The following VAV3 variants were observed in gnomAD, a reference collection of about 807,000 sequenced individuals.
The protein encoded by VAV3 is vav guanine nucleotide exchange factor 3.
Under a neutral mutation model 131.2 loss-of-function variants are expected in VAV3, and 94 were observed. The observed-to-expected ratio is 0.72, with a 90% CI of 0.61 to 0.85. The LOEUF (loss-of-function observed/expected upper bound fraction) is 0.85, where lower values mean the gene tolerates loss of function less well. VAV3 is among the 40% of genes least tolerant of loss of function. The pLI, the probability that VAV3 is intolerant of heterozygous loss-of-function variation, is 0.00. For missense variants in VAV3, 939 were observed against 1,002.7 expected (o/e 0.94, Z 0.86); for synonymous variants, 349 against 342.0 (o/e 1.02, Z -0.22).
At chr1:107,904,970 A>G (rs1051306851) in intron 1 of VAV3, among the ~76,000 whole-genome samples, 8 of 152,240 alleles carry the variant, frequency 5.3e-5, no homozygotes, top group Non-Finnish European at 1.2e-4. Flanking sequence ...TGAAGTAAAT[A>G]GGAAATATCT....
chr1:107,576,521 A>G, intron 25 of VAV3: 1 of 1,434,200 alleles, frequency 7.0e-7, no homozygotes, highest in Non-Finnish European at 9.2e-7. Context: ...GCATTTAGGT[A>G]TTGGCAAAAA....
intron 1 of VAV3, among the ~76,000 whole-genome samples, chr1:107,888,750 G>A (rs409129): frequency 0.73 from 111,404 of 151,996 alleles, 41,086 homozygotes; most frequent in African/African-American, 0.8. Flanking sequence ...TGAGCCACTG[G>A]GCCGGGCCTA....
chr1:107,706,524 T>C (rs1249518183), intron 15 of VAV3, among the ~76,000 whole-genome samples: 1 of 152,238 alleles, frequency 6.6e-6, no homozygotes, highest in Non-Finnish European at 1.5e-5. Flanking sequence ...CTGAGAATTA[T>C]GGACATTTCC....
chr1:107,918,747 C>T lies in VAV3; in HGVS notation c.205-43730G>A, dbSNP rs181474074. Among the ~76,000 whole-genome samples the T allele has an allele frequency of 5.7e-4, 84 of 146,232 alleles. No homozygotes were observed. In the East Asian group the frequency reaches 0.01, roughly 18 times the overall value. On this transcript the variant is annotated intron_variant, in intron 1 of 26. Transcript: ENST00000370056. ...AGAGATGGAGTTTTGCTCTTGTTGC[C>T]CAGGCTGGAGTGCAATGGTGCGATC...
At chr1:107,809,630 A>G (rs6703923) in intron 2 of VAV3, among the ~76,000 whole-genome samples, 22,992 of 152,206 alleles carry the variant, frequency 0.15, 2,010 homozygotes, top group East Asian at 0.29. Context: ...AAATGCACTG[A>G]AAGATGAAAG....
intron 19 of VAV3, among the ~76,000 whole-genome samples, chr1:107,680,352 C>A (rs1658516299): frequency 1.3e-5 from 2 of 152,054 alleles, no homozygotes; most frequent in African/African-American, 4.8e-5. Flanking sequence ...GATTATGTAG[C>A]TTCTTATTTC....
intron 19 of VAV3, chr1:107,668,705 G>A: frequency 1.0e-6 from 1 of 985,438 alleles, no homozygotes. Flanking sequence ...GGACAGTCTA[G>A]AGAGGAGGAA....
intron 19 of VAV3, among the ~76,000 whole-genome samples, chr1:107,668,445 C>A (rs1657561923): frequency 2.0e-5 from 3 of 152,296 alleles, no homozygotes; most frequent in Admixed American, 1.3e-4. Context: ...GGGCATAATA[C>A]CTCTCACAGC....
chr1:107,884,680 G>C (rs1670948655), intron 1 of VAV3, among the ~76,000 whole-genome samples: 2 of 151,392 alleles, frequency 1.3e-5, no homozygotes, highest in South Asian at 4.2e-4. Flanking sequence ...GAACTCCTAG[G>C]TTCAAATGAT....
rs535075766 is a variant in VAV3 at position 107,849,242 on chromosome 1, C to A, written c.321+25659G>T. On this transcript the variant is annotated intron_variant, in intron 2 of 26. Transcript: ENST00000370056. ...AACTACTTTAAATTTCATATGCAAC[C>A]AAAAAAAAAAAAAAGTCTGCATAGC... Among the ~76,000 whole-genome samples the A allele has an allele frequency of 2.9e-3, 395 of 134,380 alleles. 2 individuals are homozygous for A. The highest frequency in any genetic ancestry group is 0.014 in the East Asian group (63 of 4,628). The allele number at this position is 134,380 out of a possible 152,430, so 88.2% of individuals were successfully genotyped here.
rs1028070787 is a variant in VAV3 at position 107,879,469 on chromosome 1, A to G, written c.205-4452T>C. On this transcript the variant is annotated intron_variant, in intron 1 of 26. Coordinates refer to ENST00000370056, the MANE Select transcript of VAV3 (RefSeq NM_006113.5). Reference sequence around the variant, plus strand: ...CTTATCTCACTGTGTTCAGACAAAAAGAAAATTGAGATAACTGAAGAAAAC... The same window carrying G: ...CTTATCTCACTGTGTTCAGACAAAAGGAAAATTGAGATAACTGAAGAAAAC... Among the ~76,000 whole-genome samples, 3 of 152,238 alleles carry G rather than the reference A, an allele frequency of 2.0e-5. No individual in the cohort carries two copies. The South Asian group carries it at 6.2e-4, about 31-fold the overall frequency.
At chr1:107,653,196 G>C (rs1168227842) in intron 19 of VAV3, among the ~76,000 whole-genome samples, 1 of 151,662 alleles carries the variant, frequency 6.6e-6, no homozygotes, top group Non-Finnish European at 1.5e-5. Context: ...CAAAGTTTCA[G>C]AGAATGCAAA....
At chr1:107,760,140 T>C (rs1001784526) in intron 10 of VAV3, among the ~76,000 whole-genome samples, 1 of 152,156 alleles carries the variant, frequency 6.6e-6, no homozygotes, top group Non-Finnish European at 1.5e-5. Flanking sequence ...TAGATCTTTT[T>C]AAAATGACAT....
intron 12 of VAV3, among the ~76,000 whole-genome samples, chr1:107,753,507 T>TATAC (rs1377085167): frequency 1.5e-5 from 1 of 66,296 alleles, no homozygotes; most frequent in South Asian, 3.8e-4. Flanking sequence ...CACATATATA[T>TATAC]ACACACATAT....
At chr1:107,603,973 G>C (rs1245757909) in intron 22 of VAV3, among the ~76,000 whole-genome samples, 1 of 145,732 alleles carries the variant, frequency 6.9e-6, no homozygotes, top group Non-Finnish European at 1.5e-5. Context: ...TTCAAAACCA[G>C]AATTCAATCT....
At chr1:107,850,210 C>A (rs1191870931) in intron 2 of VAV3, among the ~76,000 whole-genome samples, 2 of 152,172 alleles carry the variant, frequency 1.3e-5, no homozygotes, top group Admixed American at 6.5e-5. Flanking sequence ...ACCCAGCAAT[C>A]CCATTACTGG....
chr1:107,667,646 T>C (rs1397369493), intron 19 of VAV3, among the ~76,000 whole-genome samples: 1 of 152,080 alleles, frequency 6.6e-6, no homozygotes, highest in Non-Finnish European at 1.5e-5. Context: ...AATCATCCTC[T>C]ATAAATTATT....
chr1:107,826,312 T>C (rs1389051766), intron 2 of VAV3, among the ~76,000 whole-genome samples: 2 of 152,204 alleles, frequency 1.3e-5, no homozygotes, highest in African/African-American at 4.8e-5. Context: ...ACCTGTAAGA[T>C]TGAAAATTCT....
At chr1:107,592,894 G>C (rs1320656830) in intron 25 of VAV3, among the ~76,000 whole-genome samples, 2 of 152,072 alleles carry the variant, frequency 1.3e-5, no homozygotes, top group Non-Finnish European at 2.9e-5. Flanking sequence ...TCTAAGGCAG[G>C]TTTGAGATGA....
Sources: allele counts gnomAD v4.1 joint callset (sites outside exome capture counted in the v4.1 genomes callset), GRCh38; gene constraint gnomAD v4.1.1; transcripts MANE v1.5; gene names NCBI Gene and HGNC (gene_info 2026-07-23, HGNC 2026-07-21).